The following SLIT1 variants were observed in gnomAD, a reference collection of about 807,000 sequenced individuals.
SLIT1 encodes slit homolog 1 protein.
A neutral mutation model predicts 186.1 loss-of-function variants in SLIT1; 66 were observed. The ratio of observed to expected loss-of-function variants is 0.35; its 90% CI spans 0.29 to 0.44. The LOEUF is 0.44. Ranked by LOEUF, SLIT1 falls within the 20% of genes least tolerant of loss-of-function variation. The probability of loss-of-function intolerance (pLI) is 1.00; values close to 1 mark genes in which losing one functional copy is unlikely to be tolerated. For synonymous variants in SLIT1, 761 were observed against 833.8 expected (o/e 0.91, Z 1.50); for missense variants, 1,638 against 2,037.4 (o/e 0.80, Z 3.77).
At chr10:97,146,176 T>C (rs1210928551) in intron 4 of SLIT1, among the ~76,000 whole-genome samples, 1 of 152,184 alleles carries the variant, frequency 6.6e-6, no homozygotes, top group African/African-American at 2.4e-5. Context: ...AGTGATCACA[T>C]TTTGCCTTAG....
chr10:97,009,632 G>T (rs1275211290), intron 31 of SLIT1, among the ~76,000 whole-genome samples: 1 of 152,124 alleles, frequency 6.6e-6, no homozygotes, highest in African/African-American at 2.4e-5. Context: ...AACTAGATAT[G>T]CCCAAATTAT....
intron 25 of SLIT1, among the ~76,000 whole-genome samples, chr10:97,024,240 AG>A (rs1248881110): frequency 3.9e-5 from 6 of 152,182 alleles, no homozygotes; most frequent in Non-Finnish European, 8.8e-5. Context: ...GGCTCTGAAC[AG>A]GAATTCCCCA....
intron 4 of SLIT1, among the ~76,000 whole-genome samples, chr10:97,090,040 G>C (rs1460101161): frequency 3.9e-5 from 6 of 152,338 alleles, no homozygotes; most frequent in Non-Finnish European, 7.3e-5. Flanking sequence ...ACATGTGTCT[G>C]TCACCAGCAT....
chr10:97,028,443 T>C (rs1341733709), intron 25 of SLIT1, among the ~76,000 whole-genome samples: 1 of 152,158 alleles, frequency 6.6e-6, no homozygotes, highest in African/African-American at 2.4e-5. Context: ...ATTAATCTCC[T>C]CCCACCCCAC....
chr10:97,012,525 G>A (rs940768103), intron 30 of SLIT1, among the ~76,000 whole-genome samples: 6 of 152,178 alleles, frequency 3.9e-5, no homozygotes, highest in South Asian at 2.1e-4. Flanking sequence ...CTTGCCCTTC[G>A]TGATTGAGGG....
In SLIT1 at chr10:97,022,150, C is replaced by T. The variant is rs1420900732; in HGVS notation, c.2583-737G>A. Among the ~76,000 whole-genome samples the T allele has an allele frequency of 2.0e-5, 3 of 152,188 alleles. No individual in the cohort carries two copies. The highest frequency in any genetic ancestry group is 3.8e-4 in the East Asian group (2 of 5,196). ...GAATCATCTCATCAGCCCCACTGTG[C>T]AAGTTTTCTCCTCTCCATCTCAAAG... On this transcript the variant is annotated intron_variant, in intron 25 of 36. Transcript: ENST00000266058. The surrounding 1 kb of genome is among the most constrained non-coding windows in gnomAD (Gnocchi z 4.2).
At chr10:97,046,574 C>G (rs1472565815) in intron 18 of SLIT1, 80 bp downstream of exon 18, 2 of 1,403,598 alleles carry the variant, frequency 1.4e-6, no homozygotes, top group Admixed American at 2.3e-5. Context: ...AGGGGCTCCT[C>G]CAGCCTCTCT....
intron 4 of SLIT1, among the ~76,000 whole-genome samples, chr10:97,076,994 C>T (rs562976029): frequency 4.6e-5 from 7 of 152,226 alleles, no homozygotes; most frequent in South Asian, 4.2e-4. Flanking sequence ...AACCGGGGGC[C>T]GTGGCTCACA....
intron 8 of SLIT1, among the ~76,000 whole-genome samples, chr10:97,062,916 C>G (rs1848906451): frequency 6.6e-6 from 1 of 152,172 alleles, no homozygotes; most frequent in African/African-American, 2.4e-5. Context: ...GACAGAACCC[C>G]AGGGGGAAGG....
intron 4 of SLIT1, among the ~76,000 whole-genome samples, chr10:97,085,153 G>A (rs928070821): frequency 1.3e-5 from 2 of 151,764 alleles, no homozygotes; most frequent in Non-Finnish European, 1.5e-5. Context: ...TCAATCTCCT[G>A]ACCTCGTGAT....
intron 4 of SLIT1, among the ~76,000 whole-genome samples, chr10:97,127,812 A>C (rs1451229921): frequency 6.6e-6 from 1 of 152,026 alleles, no homozygotes; most frequent in Non-Finnish European, 1.5e-5. Context: ...ACTCCAGGGA[A>C]CTCCTGCCAC....
chr10:97,013,813 A>G lies in SLIT1; in HGVS notation c.3131T>C (p.Val1044Ala). ...GTTCAGATCCGGAGAGCACAAGTCC[A>G]CCAGCTGCTCACAGGCCTTTCCTGG... is the stretch of plus-strand genomic sequence containing the variant. ...QYEGKACEQLVDLCSPDLNPC... is the reference protein window; with the variant it reads ...QYEGKACEQLADLCSPDLNPC... The change falls in exon 30 of 37, where the codon GTG becomes GCG. Residue 1044 changes from valine (V) to alanine (A), a missense_variant. By Grantham distance (64) the Val-to-Ala change is moderately conservative (BLOSUM62 0). Coordinates refer to ENST00000266058, the MANE Select transcript of SLIT1 (RefSeq NM_003061.3). The G allele has an allele frequency of 6.4e-7, 1 of 1,551,664 alleles. No individual in the cohort carries two copies. The highest frequency in any genetic ancestry group is 1.4e-5 in the African/African-American group (1 of 73,170).
intron 2 of SLIT1, 60 bp downstream of exon 2, chr10:97,164,759 C>T (rs1850080027): frequency 6.2e-6 from 8 of 1,289,660 alleles, no homozygotes; most frequent in Non-Finnish European, 9.0e-6. Context: ...AGCCAGGGCC[C>T]TGCCCAGGAC....
intron 4 of SLIT1, among the ~76,000 whole-genome samples, chr10:97,112,868 A>G (rs1849477152): frequency 6.6e-6 from 1 of 151,884 alleles, no homozygotes; most frequent in Admixed American, 6.6e-5. Context: ...TAAAGTTTGT[A>G]TTTTTTGTAG....
At position 97,077,300 on chromosome 10, in the gene SLIT1, C is replaced by T. The variant is rs149750582; in HGVS notation, c.414-11214G>A. Among the ~76,000 whole-genome samples, 203 of 152,174 alleles carry T rather than the reference C, an allele frequency of 1.3e-3. 4 individuals carry two copies. The East Asian group carries it at 0.035, about 26-fold the overall frequency. On this transcript the variant is annotated intron_variant, in intron 4 of 36. Coordinates refer to ENST00000266058, the MANE Select transcript of SLIT1 (RefSeq NM_003061.3). ...AAAAATCACACAGGACAGGATAGAT[C>T]CTGGGAGCTGCCTTTGCCACCTCCA...
intron 4 of SLIT1, among the ~76,000 whole-genome samples, chr10:97,099,685 C>T (rs1423676348): frequency 1.3e-5 from 2 of 152,174 alleles, no homozygotes; most frequent in South Asian, 2.1e-4. Flanking sequence ...GTAAATCCAG[C>T]TTGATGGTCC....
At chr10:97,097,910 A>C (rs529368410) in intron 4 of SLIT1, among the ~76,000 whole-genome samples, 19 of 152,350 alleles carry the variant, frequency 1.2e-4, no homozygotes, top group South Asian at 6.2e-4. Flanking sequence ...TGCTTTGTTC[A>C]GAGTGCTTCC....
intron 14 of SLIT1, 92 bp from the exon 15 acceptor site, chr10:97,048,088 AC>A: frequency 7.1e-7 from 1 of 1,404,648 alleles, no homozygotes; most frequent in Non-Finnish European, 1.0e-6. Flanking sequence ...AGCTGAAGGC[AC>A]CCCAGACAGG....
At chr10:97,172,998 C>T (rs1265221397) in intron 1 of SLIT1, among the ~76,000 whole-genome samples, 4 of 151,892 alleles carry the variant, frequency 2.6e-5, no homozygotes, top group Non-Finnish European at 5.9e-5. Context: ...AAATGTTCTC[C>T]CCAAATGGAC....
Sources: allele counts gnomAD v4.1 joint callset (sites outside exome capture counted in the v4.1 genomes callset), GRCh38; gene constraint gnomAD v4.1.1; non-coding constraint Gnocchi (gnomAD v3.1); transcripts MANE v1.5; gene names NCBI Gene and HGNC (gene_info 2026-07-23, HGNC 2026-07-21).